ABCD2: variants seen among roughly 807,000 people sequenced by gnomAD.
ABCD2 encodes the protein ATP binding cassette subfamily D member 2, also known as ATP-binding cassette sub-family D member 2.
In ABCD2, 36 loss-of-function variants were observed where a neutral mutation model predicts 70.9. The observed-to-expected ratio is 0.51, with a 90% confidence interval of 0.39 to 0.67. The LOEUF is 0.67. ABCD2 is among the 30% of genes least tolerant of loss of function. ABCD2 has a pLI of 0.00. For synonymous variants in ABCD2, 304 were observed against 306.9 expected (o/e 0.99, Z 0.10); for missense variants, 729 against 890.2 (o/e 0.82, Z 2.30).
rs200378111 is a variant in ABCD2 at position 39,618,972 on chromosome 12, A to G, written c.644T>C (p.Met215Thr). Reference protein sequence around the residue: ...NPDQSLTEDIMMFSQSVAHLY... With the variant: ...NPDQSLTEDITMFSQSVAHLY... ...GTGAGCCACAGATTGGGAGAACATC[A>G]TAATATCCTCCGTAAGAGATTGGTC... Residue 215 changes from methionine to threonine, a missense_variant, in exon 1 of 10, where the codon ATG becomes ACG. Met to Thr is a moderately conservative substitution (Grantham distance 81). Coordinates refer to ENST00000308666, the MANE Select transcript of ABCD2 (RefSeq NM_005164.4). The G allele has an allele frequency of 6.2e-7, 1 of 1,614,252 alleles. No individual in the cohort carries two copies. Among genetic ancestry groups the G allele is most frequent in the East Asian group, 2.2e-5 (1 of 44,888 alleles).
chr12:39,593,467 A>C (rs2120673877), intron 6 of ABCD2, among the ~76,000 whole-genome samples: 1 of 152,162 alleles, frequency 6.6e-6, no homozygotes, highest in East Asian at 1.9e-4. Flanking sequence ...GCCAGGGCTA[A>C]CCTTAAATTC....
intron 6 of ABCD2, among the ~76,000 whole-genome samples, chr12:39,599,818 A>G (rs1176617519): frequency 2.0e-5 from 3 of 152,196 alleles, no homozygotes; most frequent in African/African-American, 4.8e-5. Flanking sequence ...AGACTCCACA[A>G]AACAGTCCTC....
the ABCD2 span, among the ~76,000 whole-genome samples, chr12:39,534,760 G>GAGAGAGAA: frequency 1.8e-5 from 2 of 113,180 alleles, no homozygotes; most frequent in African/African-American, 7.3e-5. Context: ...AAGAAAGAAA[G>GAGAGAGAA]AGAAAGAAAG....
At chr12:39,558,518 T>A (rs1367409743) in intron 9 of ABCD2, among the ~76,000 whole-genome samples, 2 of 152,180 alleles carry the variant, frequency 1.3e-5, no homozygotes, top group Non-Finnish European at 2.9e-5. Flanking sequence ...AAAGACCAGG[T>A]GGAGGCAATT....
In ABCD2 at chr12:39,554,057, C is replaced by A. The variant is rs377751649; in HGVS notation, c.2078G>T (p.Arg693Leu). Residue 693 changes from arginine to leucine, a missense_variant, in exon 10 of 10, where the codon CGT (arginine) becomes CTT (leucine). Physicochemically the swap from Arg to Leu is moderately radical, Grantham distance 102. This residue lies in a region of ABCD2 where 289 missense variants were observed against 328.8 expected (regional missense o/e 0.88). Transcript: ENST00000308666. Reference sequence around the variant, plus strand: ...TTGTTTTTCTTCACTCAATGTCAAACGGATAGCAGTATCCAATTGTTCAAA... The same window carrying A: ...TTGTTTTTCTTCACTCAATGTCAAAAGGATAGCAGTATCCAATTGTTCAAA... ...WRFEQLDTAI[R>L]LTLSEEKQKL... 14 of 1,613,660 alleles carry A rather than the reference C, an allele frequency of 8.7e-6. No homozygotes were observed. Among genetic ancestry groups the A allele is most frequent in the Non-Finnish European group, 1.2e-5 (14 of 1,179,808 alleles).
chr12:39,609,951 G>C (rs1458776301), intron 2 of ABCD2, among the ~76,000 whole-genome samples: 2 of 152,130 alleles, frequency 1.3e-5, no homozygotes, highest in Non-Finnish European at 2.9e-5. Context: ...GAAGAGAGAT[G>C]TCAAATTCCT....
chr12:39,568,036 T>A (rs1301599416), intron 9 of ABCD2, among the ~76,000 whole-genome samples: 1 of 151,908 alleles, frequency 6.6e-6, no homozygotes, highest in Non-Finnish European at 1.5e-5. Flanking sequence ...TAACCCCACC[T>A]TTCTCTCTGG....
chr12:39,553,749 C>T lies in ABCD2; in HGVS notation c.*163G>A. On this transcript the variant is annotated 3_prime_UTR_variant, in exon 10 of 10. Coordinates refer to ENST00000308666, the MANE Select transcript of ABCD2 (RefSeq NM_005164.4). ...CTTACATAATGCATTTGTTTATTTT[C>T]TTCTGAAAAGTCAGATCATATACTT... 1 of 599,740 alleles carries T rather than the reference C, an allele frequency of 1.7e-6. No homozygotes were observed. Among genetic ancestry groups the T allele is most frequent in the Non-Finnish European group, 2.9e-6 (1 of 345,756 alleles). 37.2% of individuals were successfully genotyped at this position (599,740 alleles called of 1,614,324 possible).
chr12:39,599,969 G>T (rs542494675), intron 6 of ABCD2, among the ~76,000 whole-genome samples: 1 of 152,232 alleles, frequency 6.6e-6, no homozygotes, highest in East Asian at 1.9e-4. Context: ...AATTCTTAGT[G>T]TATAACTTTG....
intron 9 of ABCD2, among the ~76,000 whole-genome samples, chr12:39,570,746 A>T (rs1941436356): frequency 6.6e-6 from 1 of 152,200 alleles, no homozygotes; most frequent in Admixed American, 6.5e-5. Context: ...GTAAAAATAG[A>T]CAAATGGGAT....
intron 9 of ABCD2, among the ~76,000 whole-genome samples, chr12:39,569,573 C>T (rs1941416024): frequency 6.6e-6 from 1 of 152,186 alleles, no homozygotes; most frequent in Non-Finnish European, 1.5e-5. Flanking sequence ...CTTGTGCATC[C>T]TGGGTGAGGC....
chr12:39,581,784 G>T (rs1941599608), intron 7 of ABCD2, among the ~76,000 whole-genome samples: 1 of 152,096 alleles, frequency 6.6e-6, no homozygotes, highest in African/African-American at 2.4e-5. Flanking sequence ...GGTTTTTGTA[G>T]GCAGGCAATA....
intron 6 of ABCD2, among the ~76,000 whole-genome samples, chr12:39,594,139 G>A (rs1321011186): frequency 6.6e-6 from 1 of 152,084 alleles, no homozygotes; most frequent in Non-Finnish European, 1.5e-5. Context: ...GGTGATACTT[G>A]CAAGGTCAGG....
the ABCD2 span, among the ~76,000 whole-genome samples, chr12:39,538,172 T>C: frequency 1.1e-4 from 15 of 139,132 alleles, no homozygotes; most frequent in African/African-American, 3.7e-4. Flanking sequence ...TCTTTCTTTC[T>C]TTTTTTTTTT....
At chr12:39,556,906 C>CT (rs1941175171) in intron 9 of ABCD2, among the ~76,000 whole-genome samples, 1 of 151,734 alleles carries the variant, frequency 6.6e-6, no homozygotes, top group Admixed American at 6.6e-5. Flanking sequence ...TTGCTTGAAC[C>CT]CAGGAGGCAG....
chr12:39,594,110 C>T (rs1295659864), intron 6 of ABCD2, among the ~76,000 whole-genome samples: 1 of 152,062 alleles, frequency 6.6e-6, no homozygotes, highest in Admixed American at 6.5e-5. Context: ...ATCAGCACAC[C>T]AAGAAAACAA....
intron 9 of ABCD2, among the ~76,000 whole-genome samples, chr12:39,563,847 A>G (rs1225666601): frequency 6.6e-5 from 10 of 152,080 alleles, no homozygotes; most frequent in Admixed American, 6.5e-4. Flanking sequence ...TCATTGTTCA[A>G]TTCACACCTA....
At chr12:39,592,032 T>C (rs983716700) in intron 6 of ABCD2, among the ~76,000 whole-genome samples, 1 of 152,258 alleles carries the variant, frequency 6.6e-6, no homozygotes, top group African/African-American at 2.4e-5. Context: ...GAAAATTGTG[T>C]TTACATTTAT....
intron 7 of ABCD2, among the ~76,000 whole-genome samples, chr12:39,580,800 C>A (rs11172687): frequency 0.089 from 13,551 of 152,126 alleles, 617 homozygotes; most frequent in East Asian, 0.16. Context: ...TTTTTACTTG[C>A]TCAGCTGAAT....
Sources: allele counts gnomAD v4.1 joint callset (sites outside exome capture counted in the v4.1 genomes callset), GRCh38; gene constraint gnomAD v4.1.1; regional missense constraint gnomAD v4.1.1; transcripts MANE v1.5; gene names NCBI Gene and HGNC (gene_info 2026-07-23, HGNC 2026-07-21).